SUN3: variants seen among roughly 807,000 people sequenced by gnomAD.
The protein encoded by SUN3 is SUN domain-containing protein 3.
Under a neutral mutation model 48.2 loss-of-function variants are expected in SUN3, and 36 were observed. The observed-to-expected ratio is 0.75, with a 90% CI of 0.57 to 0.99. The LOEUF (loss-of-function observed/expected upper bound fraction) is 0.99. Among genes scored for constraint, SUN3 ranks in the 50% least tolerant of loss-of-function variants. SUN3 has a pLI of 0.00. For synonymous variants in SUN3, 148 were observed against 147.9 expected (o/e 1.00, Z 0.00); for missense variants, 419 against 433.1 (o/e 0.97, Z 0.29).
intron 6 of SUN3, among the ~76,000 whole-genome samples, chr7:48,005,070 T>A (rs1789486455): frequency 6.6e-6 from 1 of 152,232 alleles, no homozygotes. Context: ...ACATTCGTCA[T>A]CATAGGCTTT....
chr7:48,005,722 T>C (rs1789504855), intron 6 of SUN3, among the ~76,000 whole-genome samples: 1 of 152,156 alleles, frequency 6.6e-6, no homozygotes, highest in African/African-American at 2.4e-5. Flanking sequence ...CATCTTGGCT[T>C]TCTTGGTGGT....
chr7:48,007,623 A>G (rs938293702), intron 4 of SUN3, among the ~76,000 whole-genome samples: 1 of 152,180 alleles, frequency 6.6e-6, no homozygotes, highest in Non-Finnish European at 1.5e-5. Context: ...AACGTCACAC[A>G]GGTGAATCCT....
chr7:48,030,526 T>G (rs1459820491), upstream of SUN3, among the ~76,000 whole-genome samples: 1 of 152,246 alleles, frequency 6.6e-6, no homozygotes, highest in Non-Finnish European at 1.5e-5. Flanking sequence ...AATGGTAGCT[T>G]ACTATAAACT....
chr7:48,028,570 C>T (rs1790200106), intron 1 of SUN3, among the ~76,000 whole-genome samples: 1 of 150,090 alleles, frequency 6.7e-6, no homozygotes, highest in African/African-American at 2.5e-5. Flanking sequence ...AAGAGGGTGG[C>T]TCTCCTTTCT....
At chr7:47,999,941 C>T (rs920538700) in intron 6 of SUN3, among the ~76,000 whole-genome samples, 2 of 152,214 alleles carry the variant, frequency 1.3e-5, no homozygotes, top group Non-Finnish European at 2.9e-5. Flanking sequence ...TTTGAGTTAA[C>T]TTTTTATCAT....
At chr7:47,993,261 T>C (rs1165612790) in intron 8 of SUN3, among the ~76,000 whole-genome samples, 2 of 152,184 alleles carry the variant, frequency 1.3e-5, no homozygotes, top group African/African-American at 4.8e-5. Context: ...GCCTCAAATG[T>C]TAAACCTACA....
At chr7:47,996,871 G>A (rs1789227955) in intron 6 of SUN3, among the ~76,000 whole-genome samples, 1 of 140,890 alleles carries the variant, frequency 7.1e-6, no homozygotes, top group South Asian at 2.2e-4. Flanking sequence ...GTGGAATCTT[G>A]GCTCACTGCA....
At position 48,007,403 on chromosome 7, in the gene SUN3, G is replaced by A. The variant is rs909074376; in HGVS notation, c.330-76C>T. The stretch of plus-strand genomic sequence containing the variant: ...TATCAGCTGTTGCTGGGCTCCACCC[G>A]CCATGTGATGAGGTGCTTTATATTG... On this transcript the variant is annotated intron_variant, in intron 4 of 9. Coordinates refer to ENST00000297325, the MANE Select transcript of SUN3 (RefSeq NM_001030019.2). 1.1e-5 allele frequency: 15 copies of A among 1,362,906 alleles called. 1 individual carries two copies. Among genetic ancestry groups the A allele is most frequent in the Middle Eastern group, 1.8e-4 (1 of 5,416 alleles). 84.4% of individuals were successfully genotyped at this position (1,362,906 alleles called of 1,614,324 possible).
At chr7:48,008,414 C>A (rs1193177550) in intron 4 of SUN3, among the ~76,000 whole-genome samples, 1 of 152,206 alleles carries the variant, frequency 6.6e-6, no homozygotes, top group African/African-American at 2.4e-5. Context: ...ACTTCCAAAT[C>A]ATTAAAAACT....
At chr7:47,990,771 TA>T (rs1364052754) in intron 8 of SUN3, among the ~76,000 whole-genome samples, 1 of 150,962 alleles carries the variant, frequency 6.6e-6, no homozygotes, top group East Asian at 2.0e-4. Context: ...TATGCAGCCA[TA>T]AAAAAGAACA....
intron 6 of SUN3, among the ~76,000 whole-genome samples, chr7:47,997,052 G>A (rs1328065626): frequency 1.3e-5 from 2 of 152,074 alleles, no homozygotes; most frequent in South Asian, 2.1e-4. Flanking sequence ...TACCCACCTC[G>A]GCCTCCCAAA....
At chr7:47,990,014 G>T (rs1789008572) in intron 8 of SUN3, among the ~76,000 whole-genome samples, 1 of 152,264 alleles carries the variant, frequency 6.6e-6, no homozygotes, top group African/African-American at 2.4e-5. Flanking sequence ...ATTGTCCAAG[G>T]TTTCTCCCCA....
At chr7:47,991,956 C>CA in intron 8 of SUN3, among the ~76,000 whole-genome samples, 1 of 152,178 alleles carries the variant, frequency 6.6e-6, no homozygotes, top group Non-Finnish European at 1.5e-5. Flanking sequence ...GGCGCCGCCC[C>CA]AGAACCGCCC....
At chr7:48,006,169 CT>C (rs1426078679) in intron 5 of SUN3, 116 bp from the exon 6 acceptor site, 9 of 666,686 alleles carry the variant, frequency 1.3e-5, no homozygotes, top group East Asian at 5.4e-5. Context: ...CAGTGAGCCC[CT>C]ATCAGCTGCA....
chr7:48,009,871 G>C (rs1483976780), intron 3 of SUN3, among the ~76,000 whole-genome samples: 1 of 152,074 alleles, frequency 6.6e-6, no homozygotes, highest in Non-Finnish European at 1.5e-5. Flanking sequence ...CACCTGGAAT[G>C]GGGGAATGGC....
At chr7:48,001,426 T>A (rs1238271364) in intron 6 of SUN3, among the ~76,000 whole-genome samples, 1 of 152,192 alleles carries the variant, frequency 6.6e-6, no homozygotes, top group Non-Finnish European at 1.5e-5. Flanking sequence ...CTTGTTCTTT[T>A]TTGTGGCTGC....
intron 2 of SUN3, among the ~76,000 whole-genome samples, chr7:48,020,463 T>G (rs1015752211): frequency 4.6e-5 from 7 of 152,152 alleles, no homozygotes; most frequent in Non-Finnish European, 4.4e-5. Flanking sequence ...AAGTCCTAGC[T>G]AGAGCAACCA....
chr7:47,988,164 T>G (rs556851299), intron 9 of SUN3, among the ~76,000 whole-genome samples: 1 of 152,356 alleles, frequency 6.6e-6, no homozygotes, highest in South Asian at 2.1e-4. Context: ...TGTATTGTTT[T>G]ACCTTTATTT....
Position 47,988,841 on chromosome 7 carries a change from C to T in SUN3, c.901G>A (p.Gly301Ser). ...KKCEGEEIFL[G>S]QFIYNKTGTT... ...CCTGTTTTGTTATATATAAACTGACCTAGGAAAATTTCTTCTCCTTCACAT... is the reference window on the plus strand; with the variant it reads ...CCTGTTTTGTTATATATAAACTGACTTAGGAAAATTTCTTCTCCTTCACAT... Residue 301 changes from glycine to serine, a missense_variant, in exon 9 of 10, where the codon GGT becomes AGT. Physicochemically the swap from Gly to Ser is moderately conservative, Grantham distance 56. Transcript: ENST00000297325. The T allele has an allele frequency of 6.2e-7, 1 of 1,605,984 alleles. No individual in the cohort carries two copies. Among genetic ancestry groups the T allele is most frequent in the Non-Finnish European group, 8.5e-7 (1 of 1,175,600 alleles).
Sources: allele counts gnomAD v4.1 joint callset (sites outside exome capture counted in the v4.1 genomes callset), GRCh38; gene constraint gnomAD v4.1.1; transcripts MANE v1.5; gene names NCBI Gene and HGNC (gene_info 2026-07-23, HGNC 2026-07-21).